Variants in PKNOX2 observed in about 807,000 individuals in gnomAD.
PKNOX2 encodes the protein PBX/knotted 1 homeobox 2, also known as homeobox protein PKNOX2.
Under a neutral mutation model 53.1 loss-of-function variants are expected in PKNOX2, and 14 were observed. The observed-to-expected ratio is 0.26, with a 90% CI of 0.17 to 0.41. The LOEUF is 0.41. Ranked by LOEUF, PKNOX2 falls within the 10% of genes least tolerant of loss-of-function variation. The probability of loss-of-function intolerance (pLI) is 1.00; values close to 1 mark genes in which losing one functional copy is unlikely to be tolerated. For synonymous variants in PKNOX2, 257 were observed against 242.8 expected, an observed-to-expected ratio of 1.06 and a Z score of -0.54; for missense variants, 496 against 602.8, an observed-to-expected ratio of 0.82 and a Z score of 1.85.
chr11:125,357,872 C>T (rs1285892434), intron 4 of PKNOX2, among the ~76,000 whole-genome samples: 1 of 152,160 alleles, frequency 6.6e-6, no homozygotes, highest in African/African-American at 2.4e-5. Context: ...AATTTCAGAG[C>T]TATTTCTTTC....
intron 10 of PKNOX2, among the ~76,000 whole-genome samples, chr11:125,424,646 G>A (rs970574824): frequency 1.3e-5 from 2 of 152,190 alleles, no homozygotes; most frequent in East Asian, 3.9e-4. Flanking sequence ...TCCATGCCCC[G>A]CTCCACCAGC....
chr11:125,425,229 C>T (rs113781603), intron 10 of PKNOX2, among the ~76,000 whole-genome samples: 3 of 152,286 alleles, frequency 2.0e-5, no homozygotes, highest in African/African-American at 4.8e-5. Context: ...AGGTCACTTG[C>T]GTGTGTCAAG....
intron 1 of PKNOX2, among the ~76,000 whole-genome samples, chr11:125,181,754 A>ATCTC (rs1288696025): frequency 6.6e-6 from 1 of 152,202 alleles, no homozygotes; most frequent in African/African-American, 2.4e-5. Flanking sequence ...GATTCGGAGA[A>ATCTC]GATCCTCTAA....
chr11:125,241,815 A>G (rs1049828327), intron 2 of PKNOX2, among the ~76,000 whole-genome samples: 23 of 152,208 alleles, frequency 1.5e-4, no homozygotes, highest in African/African-American at 5.1e-4. Flanking sequence ...AGATCATGCC[A>G]CTGCACTCCA....
At chr11:125,250,022 G>A (rs779968384) in intron 2 of PKNOX2, among the ~76,000 whole-genome samples, 8 of 139,848 alleles carry the variant, frequency 5.7e-5, no homozygotes, top group African/African-American at 1.3e-4. Flanking sequence ...CAGAGATCAC[G>A]TGGTTGCATT....
At chr11:125,227,963 GCTGCCTCCA>G (rs769588180) in intron 1 of PKNOX2, among the ~76,000 whole-genome samples, 3 of 152,168 alleles carry the variant, frequency 2.0e-5, no homozygotes, top group Non-Finnish European at 4.4e-5. Flanking sequence ...GAGGCCCCCT[GCTGCCTCCA>G]CTGCTGGTCC....
intron 2 of PKNOX2, among the ~76,000 whole-genome samples, chr11:125,297,109 G>A (rs1195144405): frequency 6.6e-6 from 1 of 152,232 alleles, no homozygotes; most frequent in African/African-American, 2.4e-5. Flanking sequence ...TACATGCTAA[G>A]TTGTGCCGTA....
rs971458272 is a variant in PKNOX2, at chr11:125,237,754, C to T, written c.-130+2639C>T. Among the ~76,000 whole-genome samples the T allele has an allele frequency of 2.2e-4, 34 of 152,130 alleles. 1 individual carries two copies. Among genetic ancestry groups the T allele is most frequent in the Admixed American group, 2.0e-3 (30 of 15,276 alleles). On this transcript the variant is annotated intron_variant, in intron 2 of 12. Coordinates refer to ENST00000298282, the MANE Select transcript of PKNOX2 (RefSeq NM_001382323.2). ...CTAGCAGAAACTTCGACCTCAGGGT[C>T]GATCTCAACAAGAGTGAGTTGAGTC...
intron 10 of PKNOX2, among the ~76,000 whole-genome samples, chr11:125,420,399 A>G (rs891002685): frequency 3.8e-4 from 57 of 150,820 alleles, no homozygotes; most frequent in African/African-American, 1.3e-3. Flanking sequence ...GGTGGCAGGC[A>G]CCTATAGTCC....
chr11:125,223,829 C>T (rs1468644967), intron 1 of PKNOX2, among the ~76,000 whole-genome samples: 1 of 152,158 alleles, frequency 6.6e-6, no homozygotes, highest in Non-Finnish European at 1.5e-5. Context: ...GGCTTAGAAA[C>T]GATGACATTG....
intron 11 of PKNOX2, among the ~76,000 whole-genome samples, chr11:125,429,708 A>G (rs74986288): frequency 6.6e-6 from 1 of 152,256 alleles, no homozygotes; most frequent in South Asian, 2.1e-4. Flanking sequence ...CCTCCGTTCA[A>G]CCTGGAAGGT....
chr11:125,263,408 C>A (rs1407367713), intron 2 of PKNOX2, among the ~76,000 whole-genome samples: 1 of 152,176 alleles, frequency 6.6e-6, no homozygotes, highest in Non-Finnish European at 1.5e-5. Flanking sequence ...ACAGCAGGGA[C>A]TGCTGGCGAC....
intron 3 of PKNOX2, among the ~76,000 whole-genome samples, chr11:125,343,378 C>G (rs1397957182): frequency 6.6e-6 from 1 of 151,944 alleles, no homozygotes; most frequent in African/African-American, 2.4e-5. Context: ...CCCCTTCCAG[C>G]CAGCATGCTT....
intron 1 of PKNOX2, among the ~76,000 whole-genome samples, chr11:125,167,455 G>C (rs923210372): frequency 6.6e-6 from 1 of 152,172 alleles, no homozygotes; most frequent in African/African-American, 2.4e-5. Context: ...GAGAGCCCGA[G>C]GGGGGAGGGA....
intron 3 of PKNOX2, among the ~76,000 whole-genome samples, chr11:125,342,530 G>A (rs149096489): frequency 1.7e-4 from 26 of 152,302 alleles, no homozygotes; most frequent in African/African-American, 5.3e-4. Flanking sequence ...GTGGCTCTGC[G>A]CTTTTCCACC....
intron 1 of PKNOX2, among the ~76,000 whole-genome samples, chr11:125,167,435 C>T (rs1046402321): frequency 3.9e-5 from 6 of 152,098 alleles, no homozygotes; most frequent in Admixed American, 3.9e-4. Context: ...CGTGAGAGCT[C>T]TCTCCCGCTG....
At chr11:125,408,664 G>A (rs999060180) in intron 7 of PKNOX2, among the ~76,000 whole-genome samples, 3 of 152,262 alleles carry the variant, frequency 2.0e-5, no homozygotes, top group African/African-American at 7.2e-5. Flanking sequence ...CGAGTGAGAT[G>A]TATAAATCAG....
chr11:125,317,476 G>C (rs1445017699), intron 2 of PKNOX2, among the ~76,000 whole-genome samples: 1 of 152,224 alleles, frequency 6.6e-6, no homozygotes, highest in African/African-American at 2.4e-5. Context: ...AGTATTCCTT[G>C]ATCTGTGGGC....
At chr11:125,214,212 G>C (rs908148084) in intron 1 of PKNOX2, among the ~76,000 whole-genome samples, 2 of 152,062 alleles carry the variant, frequency 1.3e-5, no homozygotes, top group Admixed American at 1.3e-4. Context: ...GCTTGGAAGA[G>C]AGCTAGGCTG....
Sources: gnomAD v4.1 joint callset for allele counts (sites outside exome capture counted in the v4.1 genomes callset) on GRCh38, gnomAD v4.1.1 for gene constraint, MANE v1.5 for transcripts, NCBI Gene and HGNC (gene_info 2026-07-23, HGNC 2026-07-21) for gene names.